Variants in SETX observed in about 807,000 individuals in gnomAD.
SETX encodes the protein helicase senataxin.
In SETX, 90 loss-of-function variants were observed where a neutral mutation model predicts 227.2. The observed-to-expected ratio is 0.40, with a 90% confidence interval of 0.33 to 0.47. SETX has a LOEUF of 0.47. Ranked by LOEUF, SETX falls within the 20% of genes least tolerant of loss-of-function variation. The probability of loss-of-function intolerance (pLI) is 0.91; values close to 1 mark genes in which losing one functional copy is unlikely to be tolerated. For missense variants in SETX, 3,052 were observed against 3,181.5 expected, an observed-to-expected ratio of 0.96 and a Z score of 0.98; for synonymous variants, 1,210 against 1,113.2, an observed-to-expected ratio of 1.09 and a Z score of -1.73.
chr9:132,286,485 A>C lies in SETX; in HGVS notation c.6334T>G (p.Leu2112Val), dbSNP rs774561536. 2 of 1,613,350 alleles carry C rather than the reference A, an allele frequency of 1.2e-6. No individual in the cohort carries two copies. The highest frequency in any genetic ancestry group is 8.5e-7 in the Non-Finnish European group (1 of 1,179,536). ...RGGREIQRQE[L>V]DENISKVSKE... ...GAAACTTTGGAAATGTTTTCATCTA[A>C]TTCTTGCCTCTGGAAAAAAATTCAA... Residue 2112 changes from leucine to valine, a missense_variant, in exon 18 of 26, where the codon TTA becomes GTA. Around this residue, in one of 10 missense-constraint regions of SETX, gnomAD observed 412 missense variants for 589.0 expected, o/e 0.70. Coordinates refer to ENST00000224140, the MANE Select transcript of SETX (RefSeq NM_015046.7).
Position 132,264,261 on chromosome 9 carries a change from G to C in SETX, c.8012C>G (p.Ser2671Cys), listed in dbSNP as rs1438965056. 3 of 1,613,948 alleles carry C rather than the reference G, an allele frequency of 1.9e-6. No individual in the cohort carries two copies. The highest frequency in any genetic ancestry group is 1.1e-5 in the South Asian group (1 of 91,084). The change falls in exon 26 of 26, where the codon TCC becomes TGC. Residue 2671 changes from serine to cysteine, a missense_variant. Physicochemically the swap from Ser to Cys is moderately radical, Grantham distance 112. Around this residue, in one of 10 missense-constraint regions of SETX, gnomAD observed 294 missense variants for 278.8 expected, o/e 1.05. Coordinates refer to ENST00000224140, the MANE Select transcript of SETX (RefSeq NM_015046.7). ...TTCCTATAAAAGCTTTCTTTTCTTG[G>C]AACTGCTGTCCTCCTGCTCCAGTGT... ...KRTLEQEDSS[S>C]KKRKLL
At chr9:132,278,747 C>T (rs1424605955) in intron 20 of SETX, among the ~76,000 whole-genome samples, 1 of 152,102 alleles carries the variant, frequency 6.6e-6, no homozygotes, top group Non-Finnish European at 1.5e-5. Context: ...CCAAAAAAAC[C>T]AGTAATAAAG....
chr9:132,288,109 G>A lies in SETX; in HGVS notation c.6324+127C>T, dbSNP rs990454757. On this transcript the variant is annotated intron_variant, in intron 17 of 25. Coordinates refer to ENST00000224140, the MANE Select transcript of SETX (RefSeq NM_015046.7). The stretch of plus-strand genomic sequence containing the variant: ...GAGGATCACCTGAACCCAGGAAGGT[G>A]AGGCTGCAGTGAGTCAGGATTGTGC... The A allele has an allele frequency of 5.5e-6, 4 of 733,756 alleles. No individual in the cohort carries two copies. In the African/African-American group the frequency reaches 7.0e-5, roughly 13 times the overall value. The allele number at this position is 733,756 out of a possible 1,614,324, so 45.5% of individuals were successfully genotyped here.
At chr9:132,272,796 T>C (rs1256496323) in intron 23 of SETX, among the ~76,000 whole-genome samples, 3 of 152,234 alleles carry the variant, frequency 2.0e-5, no homozygotes, top group African/African-American at 4.8e-5. Context: ...AGTTCATCCA[T>C]GTTGTAGCAT....
chr9:132,272,821 TC>T (rs1842964869), intron 23 of SETX, among the ~76,000 whole-genome samples: 1 of 152,192 alleles, frequency 6.6e-6, no homozygotes, highest in Non-Finnish European at 1.5e-5. Flanking sequence ...CAGAACTTCA[TC>T]CCTTTCTTCA....
At chr9:132,331,928 TC>T (rs1258757759) in intron 7 of SETX, among the ~76,000 whole-genome samples, 3 of 152,230 alleles carry the variant, frequency 2.0e-5, no homozygotes, top group African/African-American at 7.2e-5. Context: ...AAATTCTCTT[TC>T]AGCATCATCC....
intron 22 of SETX, 84 bp downstream of exon 22, chr9:132,276,976 G>A (rs1843197944): frequency 8.4e-7 from 1 of 1,183,882 alleles, no homozygotes. Context: ...GATGTGTATA[G>A]GAAATGTATT....
intron 10 of SETX, among the ~76,000 whole-genome samples, chr9:132,315,221 T>C (rs778696626): frequency 9.9e-5 from 15 of 152,098 alleles, no homozygotes; most frequent in Non-Finnish European, 2.1e-4. Flanking sequence ...CTGGCCAAAA[T>C]ATTACATTAT....
chr9:132,277,387 C>A (rs1220102492), intron 21 of SETX, among the ~76,000 whole-genome samples: 1 of 152,242 alleles, frequency 6.6e-6, no homozygotes, highest in South Asian at 2.1e-4. Context: ...ATTGGAAAGA[C>A]ACTCATAATA....
chr9:132,329,783 A>G lies in SETX; in HGVS notation c.1815T>C (p.Phe605=), dbSNP rs753675238. Residue 605 remains phenylalanine (F), a synonymous_variant, in exon 10 of 26, where the codon TTT becomes TTC. Coordinates refer to ENST00000224140, the MANE Select transcript of SETX (RefSeq NM_015046.7). ...TTTTACATGCAGAAGTCAGATCCAC[A>G]AAAGTGTTACATGGAGGTGCTTTGA... ...IKFKAPPCNT[F]VDLTSACKIS... 1.2e-5 allele frequency: 19 copies of G among 1,614,120 alleles called. No homozygotes were observed. Among genetic ancestry groups the G allele is most frequent in the Admixed American group, 1.0e-4 (6 of 60,012 alleles).
At chr9:132,349,139 C>G in intron 3 of SETX, 113 bp downstream of exon 3, 1 of 1,092,498 alleles carries the variant, frequency 9.2e-7, no homozygotes, top group South Asian at 1.4e-5. Flanking sequence ...AAAAAAAAAC[C>G]CACAAAGTTG....
intron 7 of SETX, among the ~76,000 whole-genome samples, chr9:132,332,471 A>G (rs1475126070): frequency 6.6e-6 from 1 of 152,232 alleles, no homozygotes; most frequent in African/African-American, 2.4e-5. Flanking sequence ...TACTTCCCTC[A>G]TACTTCTCAG....
intron 2 of SETX, among the ~76,000 whole-genome samples, chr9:132,352,047 CTCTT>C (rs1848631565): frequency 6.6e-6 from 1 of 152,234 alleles, no homozygotes; most frequent in African/African-American, 2.4e-5. Flanking sequence ...AAATAACAAT[CTCTT>C]TCTTCTACAC....
At chr9:132,350,905 G>A (rs1232959187) in intron 2 of SETX, among the ~76,000 whole-genome samples, 1 of 152,128 alleles carries the variant, frequency 6.6e-6, no homozygotes, top group Admixed American at 6.6e-5. Flanking sequence ...ATCGACGTGG[G>A]GGGGAAAAAG....
In SETX at chr9:132,327,861, T is replaced by G. The variant is rs2131440106; in HGVS notation, c.3737A>C (p.His1246Pro). Residue 1246 changes from histidine (H) to proline (P), a missense_variant, in exon 10 of 26, where the codon CAT becomes CCT. This residue lies in a region of SETX where 1,483 missense variants were observed against 1,312.0 expected (regional missense o/e 1.13). Coordinates refer to ENST00000224140, the MANE Select transcript of SETX (RefSeq NM_015046.7). Reference sequence around the variant, plus strand: ...ATTCTGTCCTTTTTTGGCATCTGAATGAGTTTTCTTAGGGGTCTTAGAAAC... The same window carrying G: ...ATTCTGTCCTTTTTTGGCATCTGAAGGAGTTTTCTTAGGGGTCTTAGAAAC... ...VPVSKTPKKT[H>P]SDAKKGQNRS... is the part of the protein sequence containing the mutation. 1 of 1,614,240 alleles carries G rather than the reference T, an allele frequency of 6.2e-7. No homozygotes were observed. The highest frequency in any genetic ancestry group is 8.5e-7 in the Non-Finnish European group (1 of 1,180,034).
chr9:132,307,401 T>C (rs1845397782), intron 11 of SETX, among the ~76,000 whole-genome samples: 1 of 152,184 alleles, frequency 6.6e-6, no homozygotes, highest in African/African-American at 2.4e-5. Flanking sequence ...TGTATCCTTA[T>C]ATTTAGATGT....
intron 10 of SETX, among the ~76,000 whole-genome samples, chr9:132,312,726 A>T (rs1024993656): frequency 6.6e-6 from 1 of 152,230 alleles, no homozygotes; most frequent in East Asian, 1.9e-4. Flanking sequence ...AGTCATGATC[A>T]GTTTGTATCA....
chr9:132,353,748 G>T lies in SETX; in HGVS notation c.-107C>A, dbSNP rs190832998. ...ATATGCCCAGACTCTGGCCCCAAAA[G>T]AACATTTCTGAAATTAAAAAACAAA... On this transcript the variant is annotated 5_prime_UTR_variant, in exon 2 of 26. Transcript: ENST00000224140. The T allele has an allele frequency of 6.6e-6, 1 of 152,164 alleles. No individual in the cohort carries two copies. Among genetic ancestry groups the T allele is most frequent in the African/African-American group, 2.4e-5 (1 of 41,414 alleles). 9.4% of individuals were successfully genotyped at this position (152,164 alleles called of 1,614,324 possible).
intron 10 of SETX, among the ~76,000 whole-genome samples, chr9:132,323,092 T>C (rs540726): frequency 1 from 151,729 of 152,266 alleles, 75,600 homozygotes; most frequent in East Asian, 1. Context: ...CTCTCATATA[T>C]CCTCTTCTCT....
Sources: gnomAD v4.1 joint callset for allele counts (sites outside exome capture counted in the v4.1 genomes callset) on GRCh38, gnomAD v4.1.1 for gene constraint, gnomAD v4.1.1 regional missense constraint, MANE v1.5 for transcripts, NCBI Gene and HGNC (gene_info 2026-07-23, HGNC 2026-07-21) for gene names.